Variants in NRXN3 observed in about 807,000 individuals in gnomAD.
NRXN3 encodes the protein neurexin 3, also known as neurexin III.
Under a neutral mutation model 137.6 loss-of-function variants are expected in NRXN3, and 32 were observed. The ratio of observed to expected loss-of-function variants is 0.23; its 90% CI spans 0.18 to 0.31. The LOEUF (loss-of-function observed/expected upper bound fraction) is 0.31, where lower values mean the gene tolerates loss of function less well. Ranked by LOEUF, NRXN3 falls within the 10% of genes least tolerant of loss-of-function variation. The probability of loss-of-function intolerance (pLI) is 1.00; values close to 1 mark genes in which losing one functional copy is unlikely to be tolerated. For missense variants in NRXN3, 1,574 were observed against 2,062.5 expected, an observed-to-expected ratio of 0.76 and a Z score of 4.59; for synonymous variants, 798 against 784.5, an observed-to-expected ratio of 1.02 and a Z score of -0.29.
At chr14:79,808,268 A>C (rs1252994235) in intron 20 of NRXN3, among the ~76,000 whole-genome samples, 2 of 144,070 alleles carry the variant, frequency 1.4e-5, no homozygotes, top group African/African-American at 5.2e-5. Flanking sequence ...ATATATATAT[A>C]TATATATGTA....
At chr14:79,387,917 C>T (rs1467311722) in intron 15 of NRXN3, among the ~76,000 whole-genome samples, 1 of 128,558 alleles carries the variant, frequency 7.8e-6, no homozygotes, top group East Asian at 2.3e-4. Flanking sequence ...AACACTTGGA[C>T]ACAGGAAGGG....
chr14:79,395,302 G>T (rs2094981796), intron 15 of NRXN3, among the ~76,000 whole-genome samples: 1 of 152,128 alleles, frequency 6.6e-6, no homozygotes, highest in Non-Finnish European at 1.5e-5. Flanking sequence ...TTGTAACAGA[G>T]CCATGAGCCA....
chr14:78,697,921 C>T lies in NRXN3; in HGVS notation c.1222-11296C>T, dbSNP rs149135023. 3.3e-5 allele frequency: 5 copies of T among 152,052 alleles called. No homozygotes were observed. The East Asian group carries it at 7.7e-4, about 23-fold the overall frequency. 9.4% of individuals were successfully genotyped at this position (152,052 alleles called of 1,614,324 possible). On this transcript the variant is annotated intron_variant, in intron 6 of 20. Coordinates refer to ENST00000335750, the MANE Select transcript of NRXN3 (RefSeq NM_001330195.2). ...GGCTCTTTGGAGCACTTTGAAAAGC[C>T]ACCTGATTAAAGCCTTCATTAGGCT...
At chr14:78,272,388 T>C (rs1000792300) in intron 2 of NRXN3, among the ~76,000 whole-genome samples, 2 of 152,168 alleles carry the variant, frequency 1.3e-5, no homozygotes, top group Non-Finnish European at 2.9e-5. Flanking sequence ...TTTGGAGCAA[T>C]TGGGCGAGGA....
Position 78,968,334 on chromosome 14 carries a change from C to A in NRXN3, c.3130C>A (p.Arg1044Ser), listed in dbSNP as rs753913749. 1.2e-6 allele frequency: 2 copies of A among 1,613,326 alleles called. No homozygotes were observed. The highest frequency in any genetic ancestry group is 2.2e-5 in the South Asian group (2 of 91,008). ...TCTTCATCGGAGCGGACAGATCGAG[C>A]GTGGCTGTGAAGGTACAACCTATTT... ...DALHRSGQIE[R>S]GCEGPSTTCQ... Residue 1044 changes from arginine (R) to serine (S), a missense_variant, in exon 14 of 21, where the codon CGT (arginine) becomes AGT (serine). Transcript: ENST00000335750.
rs188725319 is a variant in NRXN3 at position 79,679,341 on chromosome 14, A to G, written c.3617-12832A>G. 2.3e-3 allele frequency among the ~76,000 whole-genome samples: 347 copies of G among 152,260 alleles called. 1 individual carries two copies. Among genetic ancestry groups the G allele is most frequent in the African/African-American group, 8.1e-3 (338 of 41,566 alleles). On this transcript the variant is annotated intron_variant, in intron 17 of 20. Coordinates refer to ENST00000335750, the MANE Select transcript of NRXN3 (RefSeq NM_001330195.2). ...ATCTTTACACGTAAAATCACCTATA[A>G]TCTTTAGACATGTTCCTCAGATAGC...
At chr14:78,207,153 C>T (rs150758874) in intron 1 of NRXN3, among the ~76,000 whole-genome samples, 1,885 of 152,210 alleles carry the variant, frequency 0.012, 41 homozygotes, top group African/African-American at 0.043. Flanking sequence ...TGTGAACCAC[C>T]GCGCCCGGCC....
chr14:79,607,673 A>T lies in NRXN3; in HGVS notation c.3445-56105A>T, dbSNP rs117301564. Among the ~76,000 whole-genome samples the T allele has an allele frequency of 8.5e-5, 12 of 141,650 alleles. No homozygotes were observed. In the South Asian group the frequency reaches 1.1e-3, roughly 13 times the overall value. The allele number at this position is 141,650 out of a possible 152,430, so 92.9% of individuals were successfully genotyped here. A position where few individuals can be genotyped will look rare whatever the true frequency, so the allele number is the denominator to read the frequency against. On this transcript the variant is annotated intron_variant, in intron 16 of 20. Transcript: ENST00000335750. Reference sequence around the variant, plus strand: ...CCACATATTTAAATGTTAATCTACAATTTTTTTTTTTTTTTTTGAGACAGG... The same window carrying T: ...CCACATATTTAAATGTTAATCTACATTTTTTTTTTTTTTTTTTGAGACAGG...
At chr14:79,079,946 C>T (rs2046647853) in intron 15 of NRXN3, among the ~76,000 whole-genome samples, 2 of 152,124 alleles carry the variant, frequency 1.3e-5, no homozygotes, top group Admixed American at 1.3e-4. Flanking sequence ...TGAGATCATG[C>T]CATTGCACTC....
At chr14:78,279,474 G>A (rs936121139) in intron 3 of NRXN3, 1 of 152,194 alleles carries the variant, frequency 6.6e-6, no homozygotes, top group African/African-American at 2.4e-5. Context: ...TAATTAACTT[G>A]ACCAAATAGG....
chr14:79,451,206 A>G (rs1244529693), intron 15 of NRXN3, among the ~76,000 whole-genome samples: 2 of 151,720 alleles, frequency 1.3e-5, no homozygotes, highest in Non-Finnish European at 2.9e-5. Context: ...TATCACCACT[A>G]TTTCTGAGGA....
intron 15 of NRXN3, among the ~76,000 whole-genome samples, chr14:79,425,382 G>A (rs959387085): frequency 6.6e-6 from 1 of 152,076 alleles, no homozygotes; most frequent in African/African-American, 2.4e-5. Context: ...TTACTATGAG[G>A]AGAATCAGGT....
At chr14:78,938,724 C>T (rs898314470) in intron 10 of NRXN3, among the ~76,000 whole-genome samples, 7 of 151,942 alleles carry the variant, frequency 4.6e-5, no homozygotes, top group African/African-American at 9.7e-5. Context: ...TTATTTAAAC[C>T]TTCTTTTTGA....
At chr14:78,535,306 G>A (rs944872707) in intron 4 of NRXN3, among the ~76,000 whole-genome samples, 3 of 152,108 alleles carry the variant, frequency 2.0e-5, no homozygotes, top group Non-Finnish European at 4.4e-5. Context: ...GTTGAACTTG[G>A]GGCTTAGTTT....
intron 15 of NRXN3, among the ~76,000 whole-genome samples, chr14:79,379,209 C>T (rs961567916): frequency 1.8e-4 from 27 of 152,224 alleles, no homozygotes; most frequent in African/African-American, 5.5e-4. Flanking sequence ...TTAAACCTGT[C>T]TCTGAGCTGA....
chr14:79,004,112 G>A (rs1417918529), intron 15 of NRXN3, among the ~76,000 whole-genome samples: 3 of 152,164 alleles, frequency 2.0e-5, no homozygotes, highest in African/African-American at 7.2e-5. Context: ...GTTAGAATAT[G>A]TAGATAATAA....
chr14:79,860,540 T>C (rs539251846), intron 20 of NRXN3, among the ~76,000 whole-genome samples: 1 of 152,356 alleles, frequency 6.6e-6, no homozygotes, highest in South Asian at 2.1e-4. Context: ...GACACAATCT[T>C]TTATGTTTCT....
intron 19 of NRXN3, among the ~76,000 whole-genome samples, chr14:79,802,632 G>C (rs1400541473): frequency 1.3e-5 from 2 of 152,104 alleles, no homozygotes; most frequent in African/African-American, 4.8e-5. Context: ...TTCCAAAATA[G>C]TGTTTTCCTC....
chr14:78,931,256 A>G (rs1425943272), intron 10 of NRXN3, among the ~76,000 whole-genome samples: 1 of 152,188 alleles, frequency 6.6e-6, no homozygotes. Context: ...CCTTGGGGAT[A>G]TAGCATGGGA....
Sources: gnomAD v4.1 joint callset for allele counts (sites outside exome capture counted in the v4.1 genomes callset) on GRCh38, gnomAD v4.1.1 for gene constraint, MANE v1.5 for transcripts, NCBI Gene and HGNC (gene_info 2026-07-23, HGNC 2026-07-21) for gene names.